Variants in OR52N4 observed in about 807,000 individuals in gnomAD.
OR52N4 encodes olfactory receptor family 52 subfamily N member 4, also known as olfactory receptor 52N4.
Under a neutral mutation model 15.0 loss-of-function variants are expected in OR52N4, and 15 were observed. The observed-to-expected ratio is 1.00, with a 90% CI of 0.67 to 1.54. OR52N4 has a LOEUF of 1.54. Among genes scored for constraint, OR52N4 ranks in the 40% most tolerant of loss-of-function variants. The probability of loss-of-function intolerance (pLI) is 0.00; values close to 1 mark genes in which losing one functional copy is unlikely to be tolerated. For synonymous variants in OR52N4, 143 were observed against 143.7 expected (o/e 1.00, Z 0.03); for missense variants, 421 against 394.0 (o/e 1.07, Z -0.58).
At chr11:5,745,357 T>C in the OR52N4 span, among the ~76,000 whole-genome samples, 1 of 152,154 alleles carries the variant, frequency 6.6e-6, no homozygotes, top group Non-Finnish European at 1.5e-5. Flanking sequence ...CATTTCAGGA[T>C]ATAAAATCAA....
At chr11:5,742,264 G>A in the OR52N4 span, among the ~76,000 whole-genome samples, 1 of 152,120 alleles carries the variant, frequency 6.6e-6, no homozygotes, top group African/African-American at 2.4e-5. Flanking sequence ...CATTCCTAGG[G>A]AGAAGAGAAA....
At chr11:5,736,111 A>G in the OR52N4 span, 1 of 175,228 alleles carries the variant, frequency 5.7e-6, no homozygotes. Flanking sequence ...CTCTTTTGCA[A>G]CCTCCTCAGA....
chr11:5,747,927 C>G, the OR52N4 span, among the ~76,000 whole-genome samples: 1 of 152,006 alleles, frequency 6.6e-6, no homozygotes, highest in African/African-American at 2.4e-5. Flanking sequence ...TAACTATTGT[C>G]ATGAATAAAT....
At chr11:5,736,539 T>C in the OR52N4 span, 1 of 1,613,778 alleles carries the variant, frequency 6.2e-7, no homozygotes, top group Non-Finnish European at 8.5e-7. Flanking sequence ...TCTGCATCTC[T>C]CAAAATCTCC....
chr11:5,745,552 C>T, the OR52N4 span, among the ~76,000 whole-genome samples: 185 of 152,126 alleles, frequency 1.2e-3, 1 homozygote, highest in East Asian at 9.6e-4. Flanking sequence ...TTTTAGATGA[C>T]GCAAATATGA....
chr11:5,736,756 G>A, the OR52N4 span: 17 of 1,614,022 alleles, frequency 1.1e-5, no homozygotes, highest in Non-Finnish European at 1.4e-5. Context: ...TGGTAGACAT[G>A]GGTCTGGCCA....
the OR52N4 span, chr11:5,736,700 C>G: frequency 1.4e-4 from 219 of 1,614,026 alleles, 1 homozygote; most frequent in African/African-American, 2.3e-3. Context: ...CTGGCAGAAC[C>G]CTTCTTTACA....
chr11:5,732,033 G>T, the OR52N4 span, among the ~76,000 whole-genome samples: 1 of 150,836 alleles, frequency 6.6e-6, no homozygotes, highest in African/African-American at 2.5e-5. Flanking sequence ...TATTTTTTTT[G>T]CAGTAAGAAC....
Position 5,755,240 on chromosome 11 carries a change from T to G in OR52N4, c.500T>G (p.Leu167Arg), listed in dbSNP as rs7394584. The change falls in exon 2 of 2, where the codon CTC (leucine) becomes CGC (arginine). Residue 167 changes from leucine to arginine, a missense_variant. Physicochemically the swap from Leu to Arg is moderately radical, Grantham distance 102. Coordinates refer to ENST00000641350, the MANE Select transcript of OR52N4 (RefSeq NM_001005175.5). The stretch of plus-strand genomic sequence containing the variant: ...ATTCCCTTTACTTTCCTCACCAAGC[T>G]CCTGCCCTACTGCAGAGGCAATATA... ...LIIPFTFLTK[L>R]LPYCRGNILP... 0.95 allele frequency: 1,537,855 copies of G among 1,613,904 alleles called. 734,123 individuals carry two copies. Among genetic ancestry groups the G allele is most frequent in the Middle Eastern group, 0.98 (5,957 of 6,058 alleles).
At chr11:5,737,635 T>C in the OR52N4 span, 5 of 729,846 alleles carry the variant, frequency 6.9e-6, no homozygotes, top group East Asian at 1.1e-4. Flanking sequence ...TCAGAAAAGA[T>C]ACAAAAAATC....
upstream of OR52N4, among the ~76,000 whole-genome samples, chr11:5,749,891 G>C (rs1854154244): frequency 6.6e-6 from 1 of 151,866 alleles, no homozygotes; most frequent in Non-Finnish European, 1.5e-5. Flanking sequence ...AAATTTCTTT[G>C]CAGAAGAAAT....
the OR52N4 span, chr11:5,737,190 T>C: frequency 3.7e-6 from 6 of 1,614,080 alleles, no homozygotes; most frequent in East Asian, 1.3e-4. Flanking sequence ...CTTATTATAC[T>C]GTCATATATT....
chr11:5,755,123 T>C lies in OR52N4; in HGVS notation c.383T>C (p.Ile128Thr), dbSNP rs1170777723. 3 of 1,614,076 alleles carry C rather than the reference T, an allele frequency of 1.9e-6. No individual in the cohort carries two copies. Among genetic ancestry groups the C allele is most frequent in the Admixed American group, 1.7e-5 (1 of 59,994 alleles). Reference protein sequence around the residue: ...MLMALDRYVAICYPLRYSTIL... With the variant: ...MLMALDRYVATCYPLRYSTIL... ...ATGGCCCTGGATCGCTATGTGGCCA[T>C]CTGCTACCCCTTACGCTATTCAACT... The change falls in exon 2 of 2, where the codon ATC becomes ACC. Residue 128 changes from isoleucine to threonine, a missense_variant. Physicochemically the swap from Ile to Thr is moderately conservative, Grantham distance 89 (BLOSUM62 -1). Transcript: ENST00000641350.
chr11:5,740,585 A>G, the OR52N4 span, among the ~76,000 whole-genome samples: 32 of 125,560 alleles, frequency 2.5e-4, 7 homozygotes, highest in Non-Finnish European at 3.9e-4. Flanking sequence ...TGAGGAAGGG[A>G]GGTCTCTTGA....
upstream of OR52N4, among the ~76,000 whole-genome samples, chr11:5,752,921 T>TA (rs923345486): frequency 1.3e-5 from 2 of 152,064 alleles, no homozygotes; most frequent in Non-Finnish European, 1.5e-5. Context: ...TAAGTCTTTC[T>TA]AAAAAAAATT....
At chr11:5,737,402 A>G in the OR52N4 span, 3 of 1,614,026 alleles carry the variant, frequency 1.9e-6, no homozygotes, top group African/African-American at 4.0e-5. Flanking sequence ...CCCTTCCCTC[A>G]ACCCTACAGT....
At chr11:5,741,962 T>A in the OR52N4 span, among the ~76,000 whole-genome samples, 1 of 151,990 alleles carries the variant, frequency 6.6e-6, no homozygotes, top group Non-Finnish European at 1.5e-5. Context: ...GATGATATTT[T>A]AAAAAATAAA....
rs1340405549 is a variant in OR52N4, at chr11:5,755,340, T to C, written c.600T>C (p.Tyr200=). ...SCGNVKVNAI[Y]GLMVALLIWG... is the part of the protein sequence containing the mutation. ...GTAATGTCAAGGTCAATGCCATCTA[T>C]GGTCTGATGGTTGCCCTCCTGATTT... Residue 200 remains tyrosine, a synonymous_variant, in exon 2 of 2, where the codon TAT becomes TAC. Coordinates refer to ENST00000641350, the MANE Select transcript of OR52N4 (RefSeq NM_001005175.5). The C allele has an allele frequency of 2.5e-6, 4 of 1,614,110 alleles. No individual in the cohort carries two copies. The highest frequency in any genetic ancestry group is 3.4e-6 in the Non-Finnish European group (4 of 1,179,978).
chr11:5,728,231 C>T, the OR52N4 span, among the ~76,000 whole-genome samples: 318 of 151,998 alleles, frequency 2.1e-3, 1 homozygote, highest in Non-Finnish European at 3.4e-3. Context: ...GAGGACCTTT[C>T]AGAAGTCATT....
Sources: allele counts gnomAD v4.1 joint callset (sites outside exome capture counted in the v4.1 genomes callset), GRCh38; gene constraint gnomAD v4.1.1; transcripts MANE v1.5; gene names NCBI Gene and HGNC (gene_info 2026-07-23, HGNC 2026-07-21).